Variants in LNX1 observed in about 807,000 individuals in gnomAD.
The protein encoded by LNX1 is E3 ubiquitin-protein ligase LNX.
Under a neutral mutation model 68.4 loss-of-function variants are expected in LNX1, and 54 were observed. The ratio of observed to expected loss-of-function variants is 0.79; its 90% CI spans 0.63 to 0.99. The LOEUF is 0.99. Ranked by LOEUF, LNX1 falls within the 50% of genes least tolerant of loss-of-function variation. The pLI, the probability that LNX1 is intolerant of heterozygous loss-of-function variation, is 0.00. For missense variants in LNX1, 906 were observed against 926.4 expected, an observed-to-expected ratio of 0.98 and a Z score of 0.29; for synonymous variants, 336 against 350.0, an observed-to-expected ratio of 0.96 and a Z score of 0.45.
At chr4:53,614,157 T>C (rs891410887) in intron 2 of LNX1, among the ~76,000 whole-genome samples, 2 of 152,232 alleles carry the variant, frequency 1.3e-5, no homozygotes, top group Non-Finnish European at 2.9e-5. Context: ...CACTTTTTAA[T>C]GGGGTTGTTT....
upstream of LNX1, among the ~76,000 whole-genome samples, chr4:53,596,345 G>T (rs1446234833): frequency 6.6e-6 from 1 of 152,136 alleles, no homozygotes; most frequent in Non-Finnish European, 1.5e-5. Flanking sequence ...TGTGCTTTTG[G>T]GGAGAGAGAG....
rs188324928 is a variant in LNX1, at chr4:53,571,563, C to T, written c.380+2060G>A. On this transcript the variant is annotated intron_variant, in intron 2 of 10. Transcript: ENST00000263925. ...GCTGGAAGAGGCAAGGAAAGGGATTCTCCCCTGAAGCCAACAGGAATGCTA... is the reference window on the plus strand; with the variant it reads ...GCTGGAAGAGGCAAGGAAAGGGATTTTCCCCTGAAGCCAACAGGAATGCTA... 1.7e-4 allele frequency among the ~76,000 whole-genome samples: 26 copies of T among 152,290 alleles called. No individual in the cohort carries two copies. In the East Asian group the frequency reaches 5.0e-3, roughly 29 times the overall value.
chr4:53,553,581 C>A (rs1248399447), intron 2 of LNX1, among the ~76,000 whole-genome samples: 2 of 152,184 alleles, frequency 1.3e-5, no homozygotes, highest in Non-Finnish European at 2.9e-5. Flanking sequence ...TGCTCATGCC[C>A]ATGATGCTGA....
intron 2 of LNX1, among the ~76,000 whole-genome samples, chr4:53,511,086 G>A (rs1246328884): frequency 6.6e-6 from 1 of 152,186 alleles, no homozygotes; most frequent in Non-Finnish European, 1.5e-5. Context: ...TATCACAGCT[G>A]TTCTTACAAC....
intron 1 of LNX1, among the ~76,000 whole-genome samples, chr4:53,647,375 T>C (rs570363387): frequency 2.6e-5 from 4 of 152,116 alleles, no homozygotes; most frequent in Non-Finnish European, 5.9e-5. Context: ...TAGGAAGCAA[T>C]CTCTCTCTCT....
intron 9 of LNX1, among the ~76,000 whole-genome samples, chr4:53,475,735 A>T (rs1411175956): frequency 6.6e-6 from 1 of 152,186 alleles, no homozygotes; most frequent in Non-Finnish European, 1.5e-5. Flanking sequence ...TGTTCTTTGA[A>T]TAGTTCTGTA....
chr4:53,517,573 C>T (rs4864780), intron 2 of LNX1, among the ~76,000 whole-genome samples: 76,004 of 152,016 alleles, frequency 0.5, 19,346 homozygotes, highest in East Asian at 0.69. Flanking sequence ...AAGAACTTTC[C>T]GAGTTCAGTT....
At chr4:53,526,957 C>T (rs73818920) in intron 2 of LNX1, among the ~76,000 whole-genome samples, 62 of 143,340 alleles carry the variant, frequency 4.3e-4, no homozygotes, top group African/African-American at 1.5e-3. Context: ...TATGCTAAAG[C>T]AATAGAAATG....
chr4:53,536,377 G>A (rs117721596), intron 2 of LNX1, among the ~76,000 whole-genome samples: 4 of 152,164 alleles, frequency 2.6e-5, no homozygotes, highest in South Asian at 4.2e-4. Flanking sequence ...AGTCAAAGTC[G>A]TTCCCTAAGG....
chr4:53,537,880 A>G (rs890867915), intron 2 of LNX1, among the ~76,000 whole-genome samples: 2 of 152,216 alleles, frequency 1.3e-5, no homozygotes, highest in African/African-American at 4.8e-5. Flanking sequence ...GCTTCCTTTC[A>G]GGAAACGGTG....
upstream of LNX1, among the ~76,000 whole-genome samples, chr4:53,619,678 T>G (rs1198264705): frequency 1.3e-5 from 2 of 152,226 alleles, no homozygotes; most frequent in Non-Finnish European, 2.9e-5. Context: ...GATATTCATG[T>G]GAAAGTTTTC....
chr4:53,630,018 CA>C (rs927955196), intron 1 of LNX1, among the ~76,000 whole-genome samples: 57 of 151,456 alleles, frequency 3.8e-4, no homozygotes, highest in African/African-American at 1.4e-3. Context: ...ACTGGTCCAG[CA>C]AAAAAGAAGA....
chr4:53,642,517 C>T (rs1734726060), intron 1 of LNX1, among the ~76,000 whole-genome samples: 1 of 152,136 alleles, frequency 6.6e-6, no homozygotes, highest in South Asian at 2.1e-4. Context: ...AGGGGCCCTT[C>T]CCACATACCC....
intron 2 of LNX1, among the ~76,000 whole-genome samples, chr4:53,600,576 G>T (rs541267316): frequency 2.4e-4 from 36 of 152,160 alleles, no homozygotes; most frequent in African/African-American, 8.4e-4. Flanking sequence ...CAGAGAGAAG[G>T]ACTCTCAGTC....
chr4:53,614,707 G>T (rs376452957), intron 2 of LNX1, among the ~76,000 whole-genome samples: 2 of 152,118 alleles, frequency 1.3e-5, no homozygotes, highest in South Asian at 2.1e-4. Flanking sequence ...GATACCTTTG[G>T]TCAGCCTACG....
chr4:53,534,573 T>C (rs535329522), intron 2 of LNX1, among the ~76,000 whole-genome samples: 10 of 152,256 alleles, frequency 6.6e-5, no homozygotes, highest in Non-Finnish European at 1.3e-4. Flanking sequence ...ACCCAGGAGT[T>C]TGGGGTTGCA....
At chr4:53,535,708 C>A (rs146291146) in intron 2 of LNX1, among the ~76,000 whole-genome samples, 10 of 152,192 alleles carry the variant, frequency 6.6e-5, no homozygotes, top group Non-Finnish European at 7.3e-5. Flanking sequence ...CTATAGCCAG[C>A]GCCTTACATA....
intron 1 of LNX1, among the ~76,000 whole-genome samples, chr4:53,591,028 T>G (rs958936528): frequency 7.2e-5 from 11 of 152,198 alleles, no homozygotes; most frequent in Middle Eastern, 3.2e-3. Flanking sequence ...CTAGCCCCCG[T>G]TAAACGGGCT....
chr4:53,576,424 G>C, intron 1 of LNX1: 1 of 1,469,876 alleles, frequency 6.8e-7, no homozygotes, highest in East Asian at 2.4e-5. Context: ...GTCAGGCTTG[G>C]ACAGGCACCT....
Sources: allele counts gnomAD v4.1 joint callset (sites outside exome capture counted in the v4.1 genomes callset), GRCh38; gene constraint gnomAD v4.1.1; transcripts MANE v1.5; gene names NCBI Gene and HGNC (gene_info 2026-07-23, HGNC 2026-07-21).